RNF217: variants seen among roughly 807,000 people sequenced by gnomAD.
RNF217 encodes E3 ubiquitin-protein ligase RNF217.
RNF217 carries 31 observed loss-of-function variants against 57.8 expected under a neutral mutation model. The ratio of observed to expected loss-of-function variants is 0.54; its 90% CI spans 0.40 to 0.72. The LOEUF (loss-of-function observed/expected upper bound fraction) is 0.72, where lower values mean the gene tolerates loss of function less well. RNF217 is among the 30% of genes least tolerant of loss of function. The probability of loss-of-function intolerance (pLI) is 0.00; values close to 1 mark genes in which losing one functional copy is unlikely to be tolerated. For missense variants in RNF217, 696 were observed against 708.3 expected (o/e 0.98, Z 0.20); for synonymous variants, 313 against 294.0 (o/e 1.06, Z -0.66).
chr6:124,993,404 T>G (rs9482582), intron 1 of RNF217, among the ~76,000 whole-genome samples: 36,793 of 152,088 alleles, frequency 0.24, 4,911 homozygotes, highest in African/African-American at 0.35. Flanking sequence ...CTAAAATTAT[T>G]ATCATTAGCC....
At chr6:125,046,277 G>A (rs187761544) in intron 2 of RNF217, among the ~76,000 whole-genome samples, 1 of 152,162 alleles carries the variant, frequency 6.6e-6, no homozygotes, top group East Asian at 1.9e-4. Flanking sequence ...TGTGCAGTTT[G>A]CGCAGAAGTT....
chr6:125,026,353 G>A (rs35310826), intron 1 of RNF217, among the ~76,000 whole-genome samples: 1 of 152,020 alleles, frequency 6.6e-6, no homozygotes, highest in Admixed American at 6.5e-5. Context: ...TCCTGGTAGG[G>A]TCTTTATCAG....
chr6:124,983,707 G>A (rs1784260136), intron 1 of RNF217, among the ~76,000 whole-genome samples: 1 of 152,162 alleles, frequency 6.6e-6, no homozygotes, highest in Admixed American at 6.5e-5. Context: ...GGCTCAGTAG[G>A]AAGAGGCTTG....
intron 1 of RNF217, among the ~76,000 whole-genome samples, chr6:125,012,280 T>C (rs1435465901): frequency 1.3e-5 from 2 of 152,168 alleles, no homozygotes; most frequent in Non-Finnish European, 2.9e-5. Flanking sequence ...ACAGAATGAC[T>C]ATGTTTCAGT....
chr6:124,968,355 G>A (rs1417675623), intron 1 of RNF217, among the ~76,000 whole-genome samples: 2 of 152,104 alleles, frequency 1.3e-5, no homozygotes, highest in African/African-American at 2.4e-5. Context: ...GTGTGCGTGC[G>A]TGTGTGTCTG....
chr6:125,058,146 T>C (rs1364907502), intron 3 of RNF217, 40 bp downstream of exon 3: 18 of 1,563,194 alleles, frequency 1.2e-5, no homozygotes, highest in Non-Finnish European at 1.6e-5. Flanking sequence ...AACATGTACA[T>C]CTGGATGTGA....
At chr6:125,000,042 G>T (rs941107433) in intron 1 of RNF217, among the ~76,000 whole-genome samples, 1 of 152,120 alleles carries the variant, frequency 6.6e-6, no homozygotes, top group African/African-American at 2.4e-5. Context: ...TAATGATTCA[G>T]TTCTCTCAAG....
At chr6:125,004,340 C>T (rs1031387989) in intron 1 of RNF217, among the ~76,000 whole-genome samples, 2 of 152,166 alleles carry the variant, frequency 1.3e-5, no homozygotes, top group Admixed American at 1.3e-4. Context: ...CTCCTCCATC[C>T]TAGTTAAGTG....
intron 4 of RNF217, among the ~76,000 whole-genome samples, chr6:125,078,772 C>A (rs1043944298): frequency 6.6e-6 from 1 of 152,114 alleles, no homozygotes; most frequent in Non-Finnish European, 1.5e-5. Context: ...AAGTAGGGAG[C>A]AGCTGGCTTT....
chr6:125,013,051 G>C (rs1785469102), intron 1 of RNF217, among the ~76,000 whole-genome samples: 1 of 152,144 alleles, frequency 6.6e-6, no homozygotes, highest in Non-Finnish European at 1.5e-5. Context: ...GAAAAGAATT[G>C]AAACATACTT....
intron 3 of RNF217, among the ~76,000 whole-genome samples, chr6:125,060,401 A>G (rs1464619397): frequency 3.9e-5 from 6 of 152,032 alleles, no homozygotes; most frequent in Non-Finnish European, 2.9e-5. Flanking sequence ...GTACCCTACT[A>G]TAGGTATATG....
chr6:125,034,114 G>A (rs951587801), intron 1 of RNF217, among the ~76,000 whole-genome samples: 4 of 151,984 alleles, frequency 2.6e-5, no homozygotes, highest in Non-Finnish European at 5.9e-5. Flanking sequence ...CAGATGAGTA[G>A]GTTGCGAAAA....
rs549086916 is a variant in RNF217 at position 125,085,658 on chromosome 6, TA to T, written c.*2727del. The T allele has an allele frequency of 5.3e-4, 81 of 151,956 alleles. 1 individual carries two copies. The highest frequency in any genetic ancestry group is 2.0e-3 in the African/African-American group (81 of 41,510). The allele number at this position is 151,956 out of a possible 1,614,324, so 9.4% of individuals were successfully genotyped here. ...ATTGTAAATTTAATATATACTACTT[TA>T]AAAAATTGAACTATACAGAATTTAT... is the stretch of plus-strand genomic sequence containing the variant. On this transcript the variant is annotated 3_prime_UTR_variant, in exon 6 of 6. Transcript: ENST00000521654.
chr6:125,046,146 T>C (rs1178004323), intron 2 of RNF217, among the ~76,000 whole-genome samples: 1 of 152,032 alleles, frequency 6.6e-6, no homozygotes, highest in African/African-American at 2.4e-5. Context: ...GAGCAAGGGA[T>C]GAGTAAGTGC....
intron 2 of RNF217, among the ~76,000 whole-genome samples, chr6:125,057,643 C>CT (rs994864902): frequency 6.6e-6 from 1 of 152,034 alleles, no homozygotes; most frequent in African/African-American, 2.4e-5. Flanking sequence ...CCTTGTGAGC[C>CT]TTCAGGTTCA....
At chr6:125,004,428 A>T (rs1023136989) in intron 1 of RNF217, among the ~76,000 whole-genome samples, 1 of 152,180 alleles carries the variant, frequency 6.6e-6, no homozygotes, top group Non-Finnish European at 1.5e-5. Context: ...GATGAATCAC[A>T]TGGTAAGAGG....
At chr6:125,070,865 A>G (rs542755759) in intron 3 of RNF217, among the ~76,000 whole-genome samples, 3 of 152,256 alleles carry the variant, frequency 2.0e-5, no homozygotes, top group Non-Finnish European at 2.9e-5. Context: ...GCAGTAATAC[A>G]TAACAGTCAA....
chr6:125,063,022 A>G (rs1280364091), intron 3 of RNF217, among the ~76,000 whole-genome samples: 1 of 152,216 alleles, frequency 6.6e-6, no homozygotes, highest in Non-Finnish European at 1.5e-5. Flanking sequence ...TATCACAAAA[A>G]TAAATCTAGT....
chr6:124,962,809 G>A lies in RNF217; in HGVS notation c.265G>A (p.Gly89Arg). 1 of 1,597,692 alleles carries A rather than the reference G, an allele frequency of 6.3e-7. No individual in the cohort carries two copies. The highest frequency in any genetic ancestry group is 8.5e-7 in the Non-Finnish European group (1 of 1,179,618). The stretch of plus-strand genomic sequence containing the variant: ...GAGCCGAGCACCGGCGCAGCCTGCG[G>A]GACTGGCACTCACCGGGCCTCTCAA... Reference protein sequence around the residue: ...SKSRAPAQPAGLALTGPLNPQ... With the variant: ...SKSRAPAQPARLALTGPLNPQ... Residue 89 changes from glycine (G) to arginine (R), a missense_variant, in exon 1 of 6, where the codon GGA (glycine) becomes AGA (arginine). By Grantham distance (125) the Gly-to-Arg change is moderately radical. Transcript: ENST00000521654. The surrounding 1 kb of genome is among the most constrained non-coding windows in gnomAD (Gnocchi z 4.6).
Sources: gnomAD v4.1 joint callset for allele counts (sites outside exome capture counted in the v4.1 genomes callset) on GRCh38, gnomAD v4.1.1 for gene constraint, Gnocchi (gnomAD v3.1) non-coding constraint, MANE v1.5 for transcripts, NCBI Gene and HGNC (gene_info 2026-07-23, HGNC 2026-07-21) for gene names.